Variants in AGTPBP1 observed in about 807,000 individuals in gnomAD.
AGTPBP1 encodes the protein ATP/GTP binding carboxypeptidase 1, also known as cytosolic carboxypeptidase 1.
AGTPBP1 carries 70 observed loss-of-function variants against 143.9 expected under a neutral mutation model. The ratio of observed to expected loss-of-function variants is 0.49; its 90% confidence interval spans 0.40 to 0.59. AGTPBP1 has a LOEUF of 0.59. AGTPBP1 is among the 20% of genes least tolerant of loss of function. The probability of loss-of-function intolerance (pLI) is 0.00; values close to 1 mark genes in which losing one functional copy is unlikely to be tolerated. For synonymous variants in AGTPBP1, 463 were observed against 500.2 expected (o/e 0.93, Z 0.99); for missense variants, 1,229 against 1,464.5 (o/e 0.84, Z 2.62).
intron 8 of AGTPBP1, among the ~76,000 whole-genome samples, chr9:85,665,825 T>C (rs907759721): frequency 3.3e-5 from 5 of 152,146 alleles, no homozygotes; most frequent in Admixed American, 1.3e-4. Flanking sequence ...TTAAAAGATA[T>C]AGTCAAGTTT....
intron 8 of AGTPBP1, among the ~76,000 whole-genome samples, chr9:85,668,052 C>A (rs1013474997): frequency 6.6e-6 from 1 of 151,814 alleles, no homozygotes; most frequent in Non-Finnish European, 1.5e-5. Context: ...AAAGAATTTA[C>A]AGCTCAAATA....
chr9:85,665,773 T>C (rs1210126119), intron 8 of AGTPBP1, among the ~76,000 whole-genome samples: 1 of 152,174 alleles, frequency 6.6e-6, no homozygotes, highest in Non-Finnish European at 1.5e-5. Context: ...TTCTTTCAGA[T>C]GGCAACACCC....
intron 1 of AGTPBP1, among the ~76,000 whole-genome samples, chr9:85,730,192 A>G (rs1011675587): frequency 6.6e-6 from 1 of 152,154 alleles, no homozygotes; most frequent in Non-Finnish European, 1.5e-5. Flanking sequence ...TTAAAGCTCA[A>G]CCTATGTCTC....
chr9:85,741,526 C>T (rs1792115854), intron 1 of AGTPBP1: 5 of 985,298 alleles, frequency 5.1e-6, no homozygotes, highest in East Asian at 1.1e-4. Context: ...CACCGAGGGT[C>T]CGGGGACTGG....
intron 14 of AGTPBP1, among the ~76,000 whole-genome samples, chr9:85,626,224 T>C (rs766780150): frequency 1.3e-3 from 193 of 152,330 alleles, no homozygotes; most frequent in Non-Finnish European, 4.9e-4. Context: ...ATGGACTGTT[T>C]CTCTTTCATT....
chr9:85,645,800 C>T (rs1000665041), intron 12 of AGTPBP1, among the ~76,000 whole-genome samples: 61 of 152,144 alleles, frequency 4.0e-4, no homozygotes, highest in African/African-American at 1.4e-3. Flanking sequence ...ACTCCGAAAA[C>T]TTACTTGCCA....
At chr9:85,664,555 A>T (rs1366373299) in intron 8 of AGTPBP1, among the ~76,000 whole-genome samples, 3 of 152,150 alleles carry the variant, frequency 2.0e-5, no homozygotes, top group Non-Finnish European at 4.4e-5. Context: ...ATCAAACTGT[A>T]CACTTTGAAT....
intron 13 of AGTPBP1, among the ~76,000 whole-genome samples, chr9:85,641,165 A>T (rs959402309): frequency 4.6e-5 from 7 of 152,112 alleles, no homozygotes; most frequent in African/African-American, 1.7e-4. Flanking sequence ...GGGTCTTGGA[A>T]CCTATCTCCC....
rs1834406855 is a variant in AGTPBP1, at chr9:85,670,335, A to G, written c.569-757T>C. ...CTATGGGGAATCACGCAAAAGGAAC[A>G]TATCAGATGTGAATTTTAAATAAAT... On this transcript the variant is annotated intron_variant, in intron 7 of 25. Transcript: ENST00000357081. Among the ~76,000 whole-genome samples the G allele has an allele frequency of 2.0e-5, 3 of 152,200 alleles. No individual in the cohort carries two copies. The South Asian group carries it at 6.2e-4, about 31-fold the overall frequency.
chr9:85,715,052 G>C (rs115471205), intron 1 of AGTPBP1, among the ~76,000 whole-genome samples: 1,666 of 152,142 alleles, frequency 0.011, 31 homozygotes, highest in African/African-American at 0.037. Context: ...TTCAGGACCA[G>C]CCTAGTAAAC....
the AGTPBP1 span, among the ~76,000 whole-genome samples, chr9:85,757,361 G>C: frequency 6.6e-6 from 1 of 151,974 alleles, no homozygotes; most frequent in South Asian, 2.1e-4. Context: ...CACCATGCCC[G>C]GCCTTGAGTT....
At chr9:85,770,140 C>G in the AGTPBP1 span, 4 of 593,664 alleles carry the variant, frequency 6.7e-6, no homozygotes, top group African/African-American at 5.6e-5. Flanking sequence ...TGTGGCATAG[C>G]AAGCACTCAA....
intron 25 of AGTPBP1, among the ~76,000 whole-genome samples, chr9:85,558,403 G>A (rs1355888763): frequency 6.6e-6 from 1 of 152,110 alleles, no homozygotes; most frequent in Non-Finnish European, 1.5e-5. Flanking sequence ...CAGGGTGATT[G>A]ATGGCTGCAC....
chr9:85,596,896 T>C (rs1829334283), intron 17 of AGTPBP1, among the ~76,000 whole-genome samples: 1 of 152,122 alleles, frequency 6.6e-6, no homozygotes, highest in African/African-American at 2.4e-5. Context: ...CATATATGTG[T>C]TTGTAGGAGA....
intron 18 of AGTPBP1, among the ~76,000 whole-genome samples, chr9:85,595,953 A>C (rs1829277777): frequency 6.6e-6 from 1 of 152,254 alleles, no homozygotes; most frequent in Non-Finnish European, 1.5e-5. Context: ...AAAATGAAGT[A>C]AATATTTGTG....
chr9:85,732,366 C>A (rs1838944628), intron 1 of AGTPBP1, among the ~76,000 whole-genome samples: 1 of 151,990 alleles, frequency 6.6e-6, no homozygotes, highest in East Asian at 1.9e-4. Flanking sequence ...AGGCGCCCAC[C>A]ACCAGGCTCG....
At chr9:85,633,911 G>T (rs998644601) in intron 13 of AGTPBP1, among the ~76,000 whole-genome samples, 1 of 151,218 alleles carries the variant, frequency 6.6e-6, no homozygotes, top group African/African-American at 2.4e-5. Flanking sequence ...GGAGGGCAAG[G>T]CCGGGCACAG....
intron 2 of AGTPBP1, among the ~76,000 whole-genome samples, chr9:85,710,276 G>A (rs1837283522): frequency 6.6e-6 from 1 of 151,802 alleles, no homozygotes; most frequent in South Asian, 2.1e-4. Flanking sequence ...CTAGGTAAAA[G>A]TATTTCATAA....
At chr9:85,588,252 A>G in intron 21 of AGTPBP1, 46 bp downstream of exon 21, 2 of 1,477,016 alleles carry the variant, frequency 1.4e-6, no homozygotes, top group African/African-American at 1.4e-5. Context: ...TATACAGGAC[A>G]ACCACAATGG....
Sources: gnomAD v4.1 joint callset for allele counts (sites outside exome capture counted in the v4.1 genomes callset) on GRCh38, gnomAD v4.1.1 for gene constraint, MANE v1.5 for transcripts, NCBI Gene and HGNC (gene_info 2026-07-23, HGNC 2026-07-21) for gene names.